GNAL: variants seen among roughly 807,000 people sequenced by gnomAD.
GNAL encodes the protein G protein subunit alpha L, also known as guanine nucleotide-binding protein G(olf) subunit alpha.
A neutral mutation model predicts 55.1 loss-of-function variants in GNAL; 18 were observed. The ratio of observed to expected loss-of-function variants is 0.33; its 90% CI spans 0.23 to 0.48. The LOEUF (loss-of-function observed/expected upper bound fraction) is 0.48. GNAL is among the 20% of genes least tolerant of loss of function. The pLI is 0.99. For synonymous variants in GNAL, 253 were observed against 237.0 expected (o/e 1.07, Z -0.62); for missense variants, 412 against 614.1 (o/e 0.67, Z 3.48).
At position 11,689,450 on chromosome 18, in the gene GNAL, C is replaced by A; in HGVS notation, c.-114C>A. 2.3e-6 allele frequency: 1 copy of A among 429,280 alleles called. No individual in the cohort carries two copies. Among genetic ancestry groups the A allele is most frequent in the Non-Finnish European group, 3.8e-6 (1 of 262,150 alleles). 26.6% of individuals were successfully genotyped at this position (429,280 alleles called of 1,614,324 possible). On this transcript the variant is annotated 5_prime_UTR_variant, in exon 1 of 12. Coordinates refer to ENST00000334049, the MANE Select transcript of GNAL (RefSeq NM_182978.4). Reference sequence around the variant, plus strand: ...AGCGCCGAACAGGGTCCGGGTGCAGCCCCCTCCCGCCCCTCCGCTGAGGCG... The same window carrying A: ...AGCGCCGAACAGGGTCCGGGTGCAGACCCCTCCCGCCCCTCCGCTGAGGCG...
intron 4 of GNAL, among the ~76,000 whole-genome samples, chr18:11,806,771 TAATTTGTTACACAGAA>T (rs931999673): frequency 2.0e-5 from 3 of 151,320 alleles, no homozygotes; most frequent in African/African-American, 7.3e-5. Flanking sequence ...AGTTCAGGGA[TAATTTGTTACACAGAA>T]ATGATTTGTT....
At chr18:11,814,779 T>C (rs1474324804) in intron 4 of GNAL, among the ~76,000 whole-genome samples, 1 of 151,334 alleles carries the variant, frequency 6.6e-6, no homozygotes, top group Non-Finnish European at 1.5e-5. Context: ...ATGCCTGTAA[T>C]ACCAGCTACT....
At chr18:11,771,985 T>G (rs2033650131) in intron 4 of GNAL, among the ~76,000 whole-genome samples, 1 of 152,030 alleles carries the variant, frequency 6.6e-6, no homozygotes, top group Non-Finnish European at 1.5e-5. Flanking sequence ...CCTCCCAAAG[T>G]GCTGGGATTA....
chr18:11,739,500 C>A (rs2032530149), intron 1 of GNAL, among the ~76,000 whole-genome samples: 1 of 152,116 alleles, frequency 6.6e-6, no homozygotes, highest in Non-Finnish European at 1.5e-5. Flanking sequence ...TGTGTCTGAC[C>A]CGTCATCATC....
intron 1 of GNAL, among the ~76,000 whole-genome samples, chr18:11,738,871 G>C (rs553945187): frequency 1.3e-5 from 2 of 152,300 alleles, no homozygotes; most frequent in South Asian, 4.2e-4. Context: ...AGGATGTGCA[G>C]GTTGCCAGGC....
In GNAL at chr18:11,884,447, A is replaced by C. The variant is rs2036869672; in HGVS notation, c.*3312A>C. 6.2e-7 allele frequency: 1 copy of C among 1,613,182 alleles called. No homozygotes were observed. Among genetic ancestry groups the C allele is most frequent in the Non-Finnish European group, 8.5e-7 (1 of 1,179,472 alleles). On this transcript the variant is annotated 3_prime_UTR_variant, in exon 12 of 12. Coordinates refer to ENST00000334049, the MANE Select transcript of GNAL (RefSeq NM_182978.4). The stretch of plus-strand genomic sequence containing the variant: ...ATATTTATAATGGCGCCTGCTCTTC[A>C]TCTTGTCTTACGCTTTCCGAGCAAG...
chr18:11,716,052 G>C (rs190712944), intron 1 of GNAL, among the ~76,000 whole-genome samples: 1 of 152,164 alleles, frequency 6.6e-6, no homozygotes, highest in East Asian at 1.9e-4. Context: ...ACTGTTGGTG[G>C]GAGTGTAAAT....
At chr18:11,863,837 G>A (rs1401091517) in intron 6 of GNAL, among the ~76,000 whole-genome samples, 1 of 152,196 alleles carries the variant, frequency 6.6e-6, no homozygotes, top group African/African-American at 2.4e-5. Context: ...TGAGTGCAGA[G>A]TTACACTTCC....
At chr18:11,787,831 A>G (rs1236223390) in intron 4 of GNAL, among the ~76,000 whole-genome samples, 1 of 150,462 alleles carries the variant, frequency 6.6e-6, no homozygotes, top group African/African-American at 2.5e-5. Flanking sequence ...CCAAGATTGC[A>G]CCACTGCACT....
intron 5 of GNAL, among the ~76,000 whole-genome samples, chr18:11,842,279 C>T (rs2035634413): frequency 6.6e-6 from 1 of 152,108 alleles, no homozygotes. Context: ...CCGCGCTCGG[C>T]CTAGTTCAGA....
At chr18:11,694,554 GAAGGC>G (rs931383771) in intron 1 of GNAL, among the ~76,000 whole-genome samples, 7 of 152,340 alleles carry the variant, frequency 4.6e-5, no homozygotes, top group African/African-American at 1.7e-4. Context: ...TTTCCAGTTA[GAAGGC>G]AGTGGTCAAG....
chr18:11,813,779 G>A (rs1470189469), intron 4 of GNAL, among the ~76,000 whole-genome samples: 2 of 152,222 alleles, frequency 1.3e-5, no homozygotes, highest in Non-Finnish European at 2.9e-5. Context: ...TCAGGAGGCT[G>A]ACATGGGAGG....
intron 5 of GNAL, chr18:11,857,643 C>T (rs1351238102): frequency 2.0e-6 from 2 of 985,258 alleles, no homozygotes; most frequent in Non-Finnish European, 2.4e-6. Context: ...TCACTGATCA[C>T]CTGGGACATG....
chr18:11,851,577 C>T (rs779686955), intron 5 of GNAL: 2 of 1,612,198 alleles, frequency 1.2e-6, no homozygotes, highest in Non-Finnish European at 1.7e-6. Context: ...GTAGGAGTGC[C>T]AAAAAATGCG....
chr18:11,721,528 G>A (rs2032092899), intron 1 of GNAL, among the ~76,000 whole-genome samples: 1 of 152,020 alleles, frequency 6.6e-6, no homozygotes, highest in Non-Finnish European at 1.5e-5. Context: ...GGTCGAGGTG[G>A]GCAGATCACC....
intron 1 of GNAL, among the ~76,000 whole-genome samples, chr18:11,703,795 G>GCGCGCACACACACACACACA (rs1311432181): frequency 7.1e-6 from 1 of 141,410 alleles, no homozygotes; most frequent in African/African-American, 2.6e-5. Flanking sequence ...GTGTTGATGG[G>GCGCGCACACACACACACACA]CACACACACA....
chr18:11,842,854 T>C (rs2035648918), intron 5 of GNAL, among the ~76,000 whole-genome samples: 1 of 152,202 alleles, frequency 6.6e-6, no homozygotes, highest in Non-Finnish European at 1.5e-5. Flanking sequence ...AAGTTAGCAC[T>C]TCTTTTAAAA....
At chr18:11,726,029 C>T (rs1055528967) in intron 1 of GNAL, among the ~76,000 whole-genome samples, 1 of 152,204 alleles carries the variant, frequency 6.6e-6, no homozygotes, top group Non-Finnish European at 1.5e-5. Context: ...TCTCCACTGA[C>T]TTGTGTTTCC....
intron 5 of GNAL, among the ~76,000 whole-genome samples, chr18:11,829,634 C>A (rs994134758): frequency 2.6e-5 from 4 of 152,178 alleles, no homozygotes; most frequent in Non-Finnish European, 5.9e-5. Flanking sequence ...CTTGTTCAGC[C>A]TACTAGGTTT....
Sources: allele counts gnomAD v4.1 joint callset (sites outside exome capture counted in the v4.1 genomes callset), GRCh38; gene constraint gnomAD v4.1.1; transcripts MANE v1.5; gene names NCBI Gene and HGNC (gene_info 2026-07-23, HGNC 2026-07-21).